NLGN1: variants seen among roughly 807,000 people sequenced by gnomAD.
The protein encoded by NLGN1 is neuroligin-1.
In NLGN1, 12 loss-of-function variants were observed where a neutral mutation model predicts 65.5. The observed-to-expected ratio is 0.18, with a 90% CI of 0.12 to 0.30. The LOEUF (loss-of-function observed/expected upper bound fraction) is 0.30, where lower values mean the gene tolerates loss of function less well. Among genes scored for constraint, NLGN1 ranks in the 10% least tolerant of loss-of-function variants. The pLI, the probability that NLGN1 is intolerant of heterozygous loss-of-function variation, is 1.00. For synonymous variants in NLGN1, 350 were observed against 359.5 expected (o/e 0.97, Z 0.30); for missense variants, 750 against 1,007.1 (o/e 0.74, Z 3.46).
intron 3 of NLGN1, among the ~76,000 whole-genome samples, chr3:173,801,812 A>T (rs1715509601): frequency 6.6e-6 from 1 of 152,112 alleles, no homozygotes; most frequent in South Asian, 2.1e-4. Flanking sequence ...ATAGCTAAAA[A>T]TAAACTTATA....
At chr3:173,710,952 A>C (rs1042331043) in intron 3 of NLGN1, among the ~76,000 whole-genome samples, 8 of 152,174 alleles carry the variant, frequency 5.3e-5, no homozygotes, top group Non-Finnish European at 1.5e-5. Context: ...TTCCAGTGAA[A>C]CTAAATACTC....
intron 4 of NLGN1, among the ~76,000 whole-genome samples, chr3:173,989,407 C>T (rs1720622972): frequency 6.6e-6 from 1 of 152,194 alleles, no homozygotes; most frequent in African/African-American, 2.4e-5. Flanking sequence ...CCATGGGCAA[C>T]ACTTGAATGT....
chr3:173,763,092 G>T (rs1380848923), intron 3 of NLGN1, among the ~76,000 whole-genome samples: 2 of 151,868 alleles, frequency 1.3e-5, no homozygotes, highest in Non-Finnish European at 2.9e-5. Context: ...AATATTTGGA[G>T]AAATGGACAA....
intron 4 of NLGN1, among the ~76,000 whole-genome samples, chr3:173,953,953 C>T (rs1213487277): frequency 1.3e-5 from 2 of 151,898 alleles, no homozygotes; most frequent in African/African-American, 2.4e-5. Flanking sequence ...GGTATGGCCA[C>T]CAAAGATGTT....
intron 1 of NLGN1, among the ~76,000 whole-genome samples, chr3:173,418,602 CT>C (rs1714285168): frequency 6.6e-6 from 1 of 152,152 alleles, no homozygotes. Flanking sequence ...TGATATAAAA[CT>C]ATAAAAATAT....
intron 4 of NLGN1, among the ~76,000 whole-genome samples, chr3:174,252,787 C>G (rs996289242): frequency 2.0e-5 from 3 of 152,174 alleles, no homozygotes; most frequent in African/African-American, 7.2e-5. Flanking sequence ...CTAAGCCCCT[C>G]TCCAGAAACT....
chr3:173,992,931 T>G (rs1421444654), intron 4 of NLGN1, among the ~76,000 whole-genome samples: 1 of 152,232 alleles, frequency 6.6e-6, no homozygotes, highest in East Asian at 1.9e-4. Context: ...GGAATGGATC[T>G]TAATTTTATC....
intron 3 of NLGN1, among the ~76,000 whole-genome samples, chr3:173,666,321 G>T (rs1761690486): frequency 6.6e-6 from 1 of 152,006 alleles, no homozygotes; most frequent in Admixed American, 6.6e-5. Flanking sequence ...ATGTCCTATT[G>T]ATAGGATACA....
intron 4 of NLGN1, among the ~76,000 whole-genome samples, chr3:173,832,000 C>G (rs911691982): frequency 1.3e-5 from 2 of 151,408 alleles, no homozygotes; most frequent in Middle Eastern, 6.8e-3. Flanking sequence ...CTTTGTTACC[C>G]AGGCTGCTGT....
chr3:174,194,381 G>A (rs909024032), intron 4 of NLGN1, among the ~76,000 whole-genome samples: 4 of 151,546 alleles, frequency 2.6e-5, no homozygotes, highest in South Asian at 2.1e-4. Context: ...CCTGGGAGGC[G>A]GAGGTTTCAG....
intron 2 of NLGN1, among the ~76,000 whole-genome samples, chr3:173,548,155 C>T (rs1231606930): frequency 6.6e-6 from 1 of 152,068 alleles, no homozygotes; most frequent in Non-Finnish European, 1.5e-5. Context: ...ACTTTTGGCC[C>T]TTCACTTACC....
At chr3:173,683,746 G>C (rs1230902038) in intron 3 of NLGN1, among the ~76,000 whole-genome samples, 1 of 152,154 alleles carries the variant, frequency 6.6e-6, no homozygotes, top group African/African-American at 2.4e-5. Context: ...ATATGAAACA[G>C]ATGATAAACT....
chr3:173,915,269 G>GA (rs1740502376), intron 4 of NLGN1, among the ~76,000 whole-genome samples: 9 of 152,240 alleles, frequency 5.9e-5, no homozygotes, highest in Admixed American at 3.9e-4. Context: ...TTTCCTATTG[G>GA]AAAAAACTCA....
intron 4 of NLGN1, among the ~76,000 whole-genome samples, chr3:174,213,080 A>G (rs1025996604): frequency 3.9e-5 from 6 of 152,238 alleles, no homozygotes; most frequent in Admixed American, 1.3e-4. Flanking sequence ...CTCCTTTGCC[A>G]CATATGGTAG....
At chr3:174,029,245 C>T (rs1202974019) in intron 4 of NLGN1, among the ~76,000 whole-genome samples, 2 of 152,174 alleles carry the variant, frequency 1.3e-5, no homozygotes, top group Non-Finnish European at 2.9e-5. Flanking sequence ...GGTGGCTGTA[C>T]CCTGCAAAAC....
intron 2 of NLGN1, among the ~76,000 whole-genome samples, chr3:173,597,649 G>A (rs142987838): frequency 6.6e-6 from 1 of 151,270 alleles, no homozygotes; most frequent in East Asian, 1.9e-4. Context: ...TTACTTTTTA[G>A]TAAAAAATAT....
intron 3 of NLGN1, among the ~76,000 whole-genome samples, chr3:173,725,236 A>T (rs1047915067): frequency 1.3e-5 from 2 of 152,202 alleles, no homozygotes; most frequent in Non-Finnish European, 2.9e-5. Context: ...GCATACAAAC[A>T]TACACTGGAA....
chr3:173,854,457 C>T (rs1727561614), intron 4 of NLGN1, among the ~76,000 whole-genome samples: 1 of 151,914 alleles, frequency 6.6e-6, no homozygotes, highest in South Asian at 2.1e-4. Flanking sequence ...CTATTCTCAG[C>T]TTTCTGTGGC....
At chr3:173,718,090 T>A (rs1175722025) in intron 3 of NLGN1, among the ~76,000 whole-genome samples, 2 of 152,110 alleles carry the variant, frequency 1.3e-5, no homozygotes, top group African/African-American at 4.8e-5. Flanking sequence ...TGTGTAGCGA[T>A]CAAATTAGGG....
Sources: gnomAD v4.1 joint callset for allele counts (sites outside exome capture counted in the v4.1 genomes callset) on GRCh38, gnomAD v4.1.1 for gene constraint, MANE v1.5 for transcripts, NCBI Gene and HGNC (gene_info 2026-07-23, HGNC 2026-07-21) for gene names.